The following TUBA1C variants were observed in gnomAD, a reference collection of about 807,000 sequenced individuals.
TUBA1C encodes tubulin alpha-1C chain.
In TUBA1C, 16 loss-of-function variants were observed where a neutral mutation model predicts 34.9. The observed-to-expected ratio is 0.46, with a 90% CI of 0.31 to 0.70. The LOEUF (loss-of-function observed/expected upper bound fraction) is 0.70, where lower values mean the gene tolerates loss of function less well. TUBA1C is among the 30% of genes least tolerant of loss of function. The pLI, the probability that TUBA1C is intolerant of heterozygous loss-of-function variation, is 0.05. For synonymous variants in TUBA1C, 177 were observed against 215.9 expected (o/e 0.82, Z 1.58); for missense variants, 329 against 587.3 (o/e 0.56, Z 4.55).
intron 1 of TUBA1C, among the ~76,000 whole-genome samples, chr12:49,266,033 G>A (rs1287794930): frequency 3.3e-5 from 5 of 150,374 alleles, no homozygotes; most frequent in African/African-American, 1.2e-4. Context: ...GGGAGGCTGA[G>A]GCAGGAAAAT....
intron 1 of TUBA1C, among the ~76,000 whole-genome samples, chr12:49,252,700 A>G (rs1190758255): frequency 4.6e-5 from 7 of 152,206 alleles, no homozygotes; most frequent in African/African-American, 1.7e-4. Context: ...TCACGAGGTC[A>G]GGAGATCGAG....
At chr12:49,271,830 A>C (rs1369322483) in intron 3 of TUBA1C, among the ~76,000 whole-genome samples, 2 of 152,090 alleles carry the variant, frequency 1.3e-5, no homozygotes, top group Admixed American at 6.6e-5. Flanking sequence ...AGTTACCAAA[A>C]CTTGAGCCCT....
At chr12:49,260,479 TAAG>T (rs1329399793), upstream of TUBA1C, among the ~76,000 whole-genome samples, 1 of 152,208 alleles carries the variant, frequency 6.6e-6, no homozygotes, top group African/African-American at 2.4e-5. Flanking sequence ...TTTCACATAC[TAAG>T]CCCTGCCAAA....
At chr12:49,238,914 C>T (rs1942584791) in intron 1 of TUBA1C, among the ~76,000 whole-genome samples, 1 of 152,176 alleles carries the variant, frequency 6.6e-6, no homozygotes, top group South Asian at 2.1e-4. Context: ...CATCCAGAAG[C>T]TCTCTGAACC....
chr12:49,249,162 T>C (rs1163009306), intron 1 of TUBA1C, among the ~76,000 whole-genome samples: 1 of 152,034 alleles, frequency 6.6e-6, no homozygotes, highest in South Asian at 2.1e-4. Flanking sequence ...GCGCGGTGGC[T>C]CATGCCTGTA....
chr12:49,259,524 A>G (rs1441730690), intron 1 of TUBA1C, among the ~76,000 whole-genome samples: 1 of 152,204 alleles, frequency 6.6e-6, no homozygotes, highest in African/African-American at 2.4e-5. Context: ...CGCCCAACCT[A>G]GATACAAATA....
chr12:49,241,439 T>A (rs1378435681), intron 1 of TUBA1C, among the ~76,000 whole-genome samples: 8 of 151,642 alleles, frequency 5.3e-5, no homozygotes. Flanking sequence ...CCTGGAAGAG[T>A]GACAAGGAGC....
At chr12:49,253,814 A>G (rs565031441) in intron 1 of TUBA1C, among the ~76,000 whole-genome samples, 31 of 152,286 alleles carry the variant, frequency 2.0e-4, no homozygotes, top group Admixed American at 1.4e-3. Flanking sequence ...TTATTTGAAC[A>G]GTAACTCAAA....
At chr12:49,231,590 C>T (rs1271494265) in intron 1 of TUBA1C, among the ~76,000 whole-genome samples, 1 of 152,210 alleles carries the variant, frequency 6.6e-6, no homozygotes, top group East Asian at 1.9e-4. Flanking sequence ...TAAATTTAAT[C>T]TCCTTAACAC....
In TUBA1C at chr12:49,239,216, G is replaced by A. The variant is rs574803779; in HGVS notation, c.213+11050G>A. On this transcript the variant is annotated intron_variant, in intron 1 of 3. Transcript: ENST00000541364. ...TTTTCCTGAGCTGCTTCAAGACTCA[G>A]GACAAAAGGCCTTTAACAAAAGATA... 8.5e-5 allele frequency among the ~76,000 whole-genome samples: 13 copies of A among 152,262 alleles called. No homozygotes were observed. The South Asian group carries it at 2.7e-3, about 32-fold the overall frequency.
chr12:49,266,121 CTG>C (rs1440485836), intron 1 of TUBA1C, among the ~76,000 whole-genome samples: 3 of 142,710 alleles, frequency 2.1e-5, no homozygotes, highest in Non-Finnish European at 3.0e-5. Context: ...CAGAGCGAAA[CTG>C]TCTCAAAAAA....
chr12:49,230,106 A>G (rs900269314), intron 1 of TUBA1C, among the ~76,000 whole-genome samples: 15 of 144,118 alleles, frequency 1.0e-4, no homozygotes, highest in African/African-American at 3.6e-4. Context: ...TTTCTTTTTT[A>G]GAACAGTCTA....
chr12:49,228,232 T>C, intron 1 of TUBA1C: 3 of 1,412,680 alleles, frequency 2.1e-6, no homozygotes, highest in East Asian at 5.0e-5. Context: ...TGGTACTGTG[T>C]GCATGCAACT....
intron 1 of TUBA1C, among the ~76,000 whole-genome samples, chr12:49,256,009 G>C (rs1279391701): frequency 6.6e-6 from 1 of 152,238 alleles, no homozygotes; most frequent in Non-Finnish European, 1.5e-5. Flanking sequence ...GGAGGCCCAG[G>C]TGGGAGGATC....
chr12:49,266,878 A>G (rs1220511280), intron 1 of TUBA1C, among the ~76,000 whole-genome samples: 1 of 152,214 alleles, frequency 6.6e-6, no homozygotes, highest in Non-Finnish European at 1.5e-5. Flanking sequence ...AAATGTAAAT[A>G]CATGTATATG....
chr12:49,268,948 C>T (rs1302540676), intron 1 of TUBA1C, among the ~76,000 whole-genome samples: 1 of 152,130 alleles, frequency 6.6e-6, no homozygotes, highest in African/African-American at 2.4e-5. Context: ...CTGGTCTTGC[C>T]GAGTAGTTCA....
At chr12:49,265,973 CA>C (rs368947972) in intron 1 of TUBA1C, among the ~76,000 whole-genome samples, 30 of 118,250 alleles carry the variant, frequency 2.5e-4, no homozygotes, top group Admixed American at 2.0e-3. Flanking sequence ...AAAAAAAAAA[CA>C]AAAAAAAACG....
intron 1 of TUBA1C, among the ~76,000 whole-genome samples, chr12:49,253,486 A>T (rs1328218262): frequency 6.6e-6 from 1 of 151,630 alleles, no homozygotes; most frequent in Non-Finnish European, 1.5e-5. Context: ...TTGTGGTTGG[A>T]CGGTGGGATG....
At chr12:49,233,422 G>T (rs1216896862) in intron 1 of TUBA1C, 1 of 152,206 alleles carries the variant, frequency 6.6e-6, no homozygotes, top group East Asian at 1.9e-4. Flanking sequence ...CAAACACTGA[G>T]CTCTCAGTGC....
Sources: gnomAD v4.1 joint callset for allele counts (sites outside exome capture counted in the v4.1 genomes callset) on GRCh38, gnomAD v4.1.1 for gene constraint, MANE v1.5 for transcripts, NCBI Gene and HGNC (gene_info 2026-07-23, HGNC 2026-07-21) for gene names.